The following CFAP210 variants were observed in gnomAD, a reference collection of about 807,000 sequenced individuals.
CFAP210 encodes cilia and flagella associated protein 210.
chr2:169,665,084 G>A, the CFAP210 span, among the ~76,000 whole-genome samples: 2 of 152,156 alleles, frequency 1.3e-5, no homozygotes, highest in Non-Finnish European at 2.9e-5. Flanking sequence ...GTGGGACTGA[G>A]GAAAAGTTTC....
the CFAP210 span, among the ~76,000 whole-genome samples, chr2:169,692,444 G>GCGCACGCACA: frequency 7.0e-6 from 1 of 143,668 alleles, no homozygotes; most frequent in Non-Finnish European, 1.5e-5. Context: ...ACAGGCGCAC[G>GCGCACGCACA]CACACACACA....
At chr2:169,675,132 G>A in the CFAP210 span, 2 of 931,688 alleles carry the variant, frequency 2.1e-6, no homozygotes, top group Admixed American at 7.8e-5. Context: ...GAGCTTTTAT[G>A]TTTTTATTGT....
the CFAP210 span, among the ~76,000 whole-genome samples, chr2:169,661,857 A>T: frequency 1.3e-5 from 2 of 152,124 alleles, no homozygotes; most frequent in African/African-American, 4.8e-5. Flanking sequence ...AGACAAATAT[A>T]TTATGTTCTC....
At chr2:169,674,307 G>C in the CFAP210 span, among the ~76,000 whole-genome samples, 1 of 152,120 alleles carries the variant, frequency 6.6e-6, no homozygotes, top group Non-Finnish European at 1.5e-5. Context: ...TTCCAGCCTA[G>C]ATCAGCCAAC....
At chr2:169,667,740 T>G in the CFAP210 span, among the ~76,000 whole-genome samples, 3 of 152,108 alleles carry the variant, frequency 2.0e-5, no homozygotes, top group Non-Finnish European at 4.4e-5. Context: ...AAAGGAATAT[T>G]TTTTTCTGAG....
the CFAP210 span, chr2:169,674,602 C>T: frequency 6.2e-7 from 1 of 1,605,222 alleles, no homozygotes. Context: ...TGGCAAGAGC[C>T]ACCCTTTCTC....
chr2:169,662,079 G>T, the CFAP210 span, among the ~76,000 whole-genome samples: 4,496 of 152,166 alleles, frequency 0.03, 235 homozygotes, highest in African/African-American at 0.1. Context: ...TAGAAGATTT[G>T]AAATGTTCCC....
the CFAP210 span, among the ~76,000 whole-genome samples, chr2:169,657,905 C>A: frequency 6.6e-6 from 1 of 152,036 alleles, no homozygotes; most frequent in Non-Finnish European, 1.5e-5. Context: ...GTAAATCATG[C>A]ATGACTTTAA....
At chr2:169,649,275 T>A in the CFAP210 span, 2 of 1,613,940 alleles carry the variant, frequency 1.2e-6, no homozygotes, top group East Asian at 4.5e-5. Context: ...TCTGATCTGC[T>A]TTCATGACAG....
the CFAP210 span, among the ~76,000 whole-genome samples, chr2:169,683,180 C>A: frequency 6.6e-6 from 1 of 152,212 alleles, no homozygotes; most frequent in Admixed American, 6.5e-5. Flanking sequence ...TTGCCTACCA[C>A]ATACCAAACC....
At chr2:169,662,150 T>C in the CFAP210 span, 2 of 899,112 alleles carry the variant, frequency 2.2e-6, no homozygotes, top group Non-Finnish European at 3.5e-6. Flanking sequence ...TACTTGATCA[T>C]TACATAATGT....
chr2:169,671,760 C>T, the CFAP210 span, among the ~76,000 whole-genome samples: 2 of 152,156 alleles, frequency 1.3e-5, no homozygotes, highest in African/African-American at 2.4e-5. Flanking sequence ...CGTGAGCCAC[C>T]GCGCCCAGCC....
the CFAP210 span, among the ~76,000 whole-genome samples, chr2:169,682,113 C>T: frequency 6.6e-6 from 1 of 152,124 alleles, no homozygotes; most frequent in Non-Finnish European, 1.5e-5. Context: ...TTAAAGCATC[C>T]TAAATGAAAC....
the CFAP210 span, among the ~76,000 whole-genome samples, chr2:169,691,614 C>T: frequency 1.3e-5 from 2 of 152,204 alleles, no homozygotes; most frequent in South Asian, 4.1e-4. Context: ...ATTGAGGATG[C>T]TTTCAACTTG....
At chr2:169,673,569 A>T in the CFAP210 span, among the ~76,000 whole-genome samples, 361 of 152,348 alleles carry the variant, frequency 2.4e-3, no homozygotes, top group African/African-American at 8.3e-3. Flanking sequence ...TCATTTAGAC[A>T]TAATGTGATT....
the CFAP210 span, among the ~76,000 whole-genome samples, chr2:169,663,022 G>C: frequency 6.6e-6 from 1 of 152,222 alleles, no homozygotes; most frequent in Non-Finnish European, 1.5e-5. Context: ...CCTGATCTGA[G>C]TGATTTAGCT....
chr2:169,645,977 A>C, the CFAP210 span: 6 of 1,613,950 alleles, frequency 3.7e-6, no homozygotes, highest in Non-Finnish European at 5.1e-6. Flanking sequence ...GTCCACAAAC[A>C]CTGGTCCACG....
At chr2:169,646,862 T>G in the CFAP210 span, among the ~76,000 whole-genome samples, 3 of 152,224 alleles carry the variant, frequency 2.0e-5, no homozygotes, top group Non-Finnish European at 2.9e-5. Flanking sequence ...GGTTGGCAAC[T>G]TCTCATTTTG....
the CFAP210 span, among the ~76,000 whole-genome samples, chr2:169,690,075 C>T: frequency 6.6e-6 from 1 of 152,168 alleles, no homozygotes; most frequent in Non-Finnish European, 1.5e-5. Context: ...CAAGTGTGAC[C>T]ATAGCACATT....
Sources: allele counts gnomAD v4.1 joint callset (sites outside exome capture counted in the v4.1 genomes callset), GRCh38; gene constraint gnomAD v4.1.1; transcripts MANE v1.5; gene names NCBI Gene and HGNC (gene_info 2026-07-23, HGNC 2026-07-21).